The following GABRG3 variants were observed in gnomAD, a reference collection of about 807,000 sequenced individuals.
The protein encoded by GABRG3 is gamma-aminobutyric acid type A receptor subunit gamma3.
GABRG3 carries 25 observed loss-of-function variants against 48.8 expected under a neutral mutation model. The observed-to-expected ratio is 0.51, with a 90% CI of 0.37 to 0.72. GABRG3 has a LOEUF of 0.72. Ranked by LOEUF, GABRG3 falls within the 30% of genes least tolerant of loss-of-function variation. The probability of loss-of-function intolerance (pLI) is 0.00; values close to 1 mark genes in which losing one functional copy is unlikely to be tolerated. For missense variants in GABRG3, 394 were observed against 577.9 expected (o/e 0.68, Z 3.26); for synonymous variants, 227 against 217.6 (o/e 1.04, Z -0.38).
In GABRG3 at chr15:27,303,567, A is replaced by G. The variant is rs937477648; in HGVS notation, c.271-23242A>G. Among the ~76,000 whole-genome samples the G allele has an allele frequency of 2.2e-4, 34 of 151,874 alleles. 1 individual carries two copies. The highest frequency in any genetic ancestry group is 8.3e-4 in the South Asian group (4 of 4,832). ...TATTTAAAGAAATTAGACTAATTCC[A>G]TAGAACCTTTTCTAGAAAATGGAAG... is the stretch of plus-strand genomic sequence containing the variant. On this transcript the variant is annotated intron_variant, in intron 3 of 9. Coordinates refer to ENST00000615808, the MANE Select transcript of GABRG3 (RefSeq NM_033223.5).
intron 9 of GABRG3, 88 bp downstream of exon 9, chr15:27,528,080 G>A (rs1195554611): frequency 4.1e-6 from 4 of 978,240 alleles, no homozygotes; most frequent in Non-Finnish European, 6.4e-6. Flanking sequence ...GTTGATGCAT[G>A]CATGTATTGA....
chr15:27,051,116 T>C (rs1175573220), intron 3 of GABRG3, among the ~76,000 whole-genome samples: 1 of 152,242 alleles, frequency 6.6e-6, no homozygotes, highest in Non-Finnish European at 1.5e-5. Flanking sequence ...CATAGTGCAG[T>C]TGTTTTTTAC....
intron 5 of GABRG3, among the ~76,000 whole-genome samples, chr15:27,367,386 A>G (rs930480770): frequency 2.0e-5 from 3 of 152,238 alleles, no homozygotes; most frequent in African/African-American, 7.2e-5. Context: ...CAATAAAGGT[A>G]TGTGGTGTCC....
intron 5 of GABRG3, among the ~76,000 whole-genome samples, chr15:27,466,426 C>A (rs1889612746): frequency 6.6e-6 from 1 of 151,918 alleles, no homozygotes; most frequent in Non-Finnish European, 1.5e-5. Context: ...GACACATTAA[C>A]AACTACAGAC....
intron 3 of GABRG3, among the ~76,000 whole-genome samples, chr15:27,182,784 G>C (rs1216221300): frequency 6.6e-6 from 1 of 152,150 alleles, no homozygotes; most frequent in Non-Finnish European, 1.5e-5. Context: ...CTTCTGCTCG[G>C]GGCCAGGCTG....
intron 6 of GABRG3, among the ~76,000 whole-genome samples, chr15:27,492,429 A>G (rs1890378168): frequency 6.6e-6 from 1 of 152,252 alleles, no homozygotes; most frequent in African/African-American, 2.4e-5. Context: ...ATGGCTAGGC[A>G]TGCAGCCCAG....
chr15:27,069,193 C>G (rs1226161981), intron 3 of GABRG3, among the ~76,000 whole-genome samples: 1 of 152,228 alleles, frequency 6.6e-6, no homozygotes, highest in Admixed American at 6.5e-5. Flanking sequence ...CCTCAAGCTG[C>G]TCAGTGCTTC....
intron 3 of GABRG3, among the ~76,000 whole-genome samples, chr15:27,268,584 T>C (rs922894883): frequency 1.3e-5 from 2 of 152,232 alleles, no homozygotes; most frequent in African/African-American, 4.8e-5. Flanking sequence ...CAATTTGCTT[T>C]TCTTTTTCCA....
chr15:26,976,121 C>CA lies in GABRG3; in HGVS notation c.54-868dup, dbSNP rs57826540. ...TTTAAAAAACCCAAAACTGCAGAAC[C>CA]AAAAAAAAAAAAAGGGAAAACTAGC... On this transcript the variant is annotated intron_variant, in intron 1 of 9. Transcript: ENST00000615808. This position sits in a 1 kb window ranked among gnomAD's most constrained non-coding sequence, Gnocchi z 7.8. Among the ~76,000 whole-genome samples the CA allele has an allele frequency of 0.016, 2,267 of 141,006 alleles. 44 individuals carry two copies. The highest frequency in any genetic ancestry group is 0.042 in the African/African-American group (1,609 of 38,572). The allele number at this position is 141,006 out of a possible 152,430, so 92.5% of individuals were successfully genotyped here.
Position 27,497,777 on chromosome 15 carries a change from G to C in GABRG3, c.712+16990G>C, listed in dbSNP as rs139437429. Among the ~76,000 whole-genome samples the C allele has an allele frequency of 5.4e-3, 826 of 152,076 alleles. 5 individuals carry two copies. The highest frequency in any genetic ancestry group is 0.018 in the African/African-American group (730 of 41,506). On this transcript the variant is annotated intron_variant, in intron 6 of 9. Transcript: ENST00000615808. ...TAATTTAGATTGGATTGCCTTTCTG[G>C]CTTTCATATTTTTGTCTTACTTCTA...
intron 3 of GABRG3, among the ~76,000 whole-genome samples, chr15:27,120,830 C>T (rs992386187): frequency 6.6e-6 from 1 of 152,080 alleles, no homozygotes; most frequent in Non-Finnish European, 1.5e-5. Context: ...TCAAAGGCAG[C>T]CTGAGATTAT....
At chr15:27,045,158 A>G (rs1263889870) in intron 3 of GABRG3, among the ~76,000 whole-genome samples, 1 of 152,218 alleles carries the variant, frequency 6.6e-6, no homozygotes, top group Non-Finnish European at 1.5e-5. Context: ...CTGAAGCTGC[A>G]TTATATATAA....
chr15:27,231,852 A>G (rs376624662), intron 3 of GABRG3, among the ~76,000 whole-genome samples: 1 of 152,178 alleles, frequency 6.6e-6, no homozygotes, highest in South Asian at 2.1e-4. Context: ...GTTGTGAAAC[A>G]TATTAAATTT....
rs1892452885 is a variant in GABRG3, at chr15:27,306,433, A to G, written c.271-20376A>G. On this transcript the variant is annotated intron_variant, in intron 3 of 9. Transcript: ENST00000615808. ...TAAACATGTCTACATGTAAACATAT[A>G]ATACGAACATATGTCTACATATAAA... Among the ~76,000 whole-genome samples the G allele has an allele frequency of 2.2e-5, 3 of 138,800 alleles. No individual in the cohort carries two copies. In the South Asian group the frequency reaches 6.9e-4, roughly 32 times the overall value. 91.1% of individuals were successfully genotyped at this position (138,800 alleles called of 152,430 possible).
chr15:27,152,012 G>T (rs1329143194), intron 3 of GABRG3, among the ~76,000 whole-genome samples: 1 of 152,144 alleles, frequency 6.6e-6, no homozygotes, highest in African/African-American at 2.4e-5. Flanking sequence ...TTTTGATGAA[G>T]TCTAACCTGA....
intron 3 of GABRG3, among the ~76,000 whole-genome samples, chr15:27,134,737 G>T (rs1897978007): frequency 6.6e-6 from 1 of 152,152 alleles, no homozygotes; most frequent in Non-Finnish European, 1.5e-5. Flanking sequence ...GCTCATGTTG[G>T]TCTTGCCCTC....
chr15:27,296,675 G>A (rs756858304), intron 3 of GABRG3, among the ~76,000 whole-genome samples: 1 of 152,054 alleles, frequency 6.6e-6, no homozygotes. Context: ...AGCATTACAC[G>A]GTGTTGGTGG....
chr15:27,405,423 G>A (rs1887600895), intron 5 of GABRG3, among the ~76,000 whole-genome samples: 1 of 152,176 alleles, frequency 6.6e-6, no homozygotes, highest in African/African-American at 2.4e-5. Flanking sequence ...GAAGATCCCA[G>A]TAAATATGAA....
chr15:27,172,231 C>G (rs1887595504), intron 3 of GABRG3, among the ~76,000 whole-genome samples: 1 of 152,116 alleles, frequency 6.6e-6, no homozygotes, highest in Admixed American at 6.6e-5. Context: ...TATGACGGGG[C>G]TAGGACAGTG....
Sources: gnomAD v4.1 joint callset for allele counts (sites outside exome capture counted in the v4.1 genomes callset) on GRCh38, gnomAD v4.1.1 for gene constraint, Gnocchi (gnomAD v3.1) non-coding constraint, MANE v1.5 for transcripts, NCBI Gene and HGNC (gene_info 2026-07-23, HGNC 2026-07-21) for gene names.